CCDC91: variants seen among roughly 807,000 people sequenced by gnomAD.
CCDC91 encodes the protein coiled-coil domain-containing protein 91.
CCDC91 carries 48 observed loss-of-function variants against 63.2 expected under a neutral mutation model. The ratio of observed to expected loss-of-function variants is 0.76; its 90% CI spans 0.60 to 0.97. CCDC91 has a LOEUF of 0.97. Ranked by LOEUF, CCDC91 falls within the 50% of genes least tolerant of loss-of-function variation. The pLI is 0.00. For synonymous variants in CCDC91, 167 were observed against 165.8 expected, an observed-to-expected ratio of 1.01 and a Z score of -0.06; for missense variants, 500 against 494.6, an observed-to-expected ratio of 1.01 and a Z score of -0.10.
At chr12:28,269,542 C>T (rs1439662098) in intron 3 of CCDC91, among the ~76,000 whole-genome samples, 1 of 152,004 alleles carries the variant, frequency 6.6e-6, no homozygotes, top group African/African-American at 2.4e-5. Context: ...AGTGTCTGCT[C>T]CCCCCAACCA....
chr12:28,286,391 A>T (rs551227201), intron 3 of CCDC91, among the ~76,000 whole-genome samples: 1 of 152,016 alleles, frequency 6.6e-6, no homozygotes, highest in Non-Finnish European at 1.5e-5. Context: ...GGTAGGCCCC[A>T]GTGTCTGTTG....
intron 1 of CCDC91, among the ~76,000 whole-genome samples, chr12:28,223,883 A>G (rs991324511): frequency 2.6e-5 from 4 of 152,178 alleles, no homozygotes; most frequent in Non-Finnish European, 5.9e-5. Flanking sequence ...CTCCTTGGAG[A>G]AAATTATTTC....
intron 8 of CCDC91, among the ~76,000 whole-genome samples, chr12:28,397,946 C>A (rs369177434): frequency 6.6e-5 from 10 of 152,180 alleles, no homozygotes; most frequent in South Asian, 2.1e-4. Flanking sequence ...CCTGTTTATT[C>A]CCTTAGAGTT....
chr12:28,206,590 A>G (rs549282696), intron 1 of CCDC91, among the ~76,000 whole-genome samples: 17 of 152,330 alleles, frequency 1.1e-4, no homozygotes, highest in South Asian at 2.1e-4. Flanking sequence ...AGAATGAGCT[A>G]GATAAAGAGT....
At chr12:28,535,066 GA>G (rs1942041637) in intron 12 of CCDC91, among the ~76,000 whole-genome samples, 1 of 152,120 alleles carries the variant, frequency 6.6e-6, no homozygotes, top group Non-Finnish European at 1.5e-5. Context: ...GATTTTTATA[GA>G]AAAGTAGGTA....
chr12:28,325,285 TAGG>T (rs1409608621), intron 6 of CCDC91, among the ~76,000 whole-genome samples: 1 of 152,086 alleles, frequency 6.6e-6, no homozygotes, highest in Non-Finnish European at 1.5e-5. Flanking sequence ...GTTGCTCTGT[TAGG>T]AGGTCTGAAT....
At chr12:28,448,448 C>T (rs1433813164) in intron 8 of CCDC91, among the ~76,000 whole-genome samples, 1 of 152,118 alleles carries the variant, frequency 6.6e-6, no homozygotes, top group African/African-American at 2.4e-5. Flanking sequence ...TTTGTTCTTA[C>T]ACAAACAAGC....
chr12:28,510,862 A>G (rs1939296822), intron 12 of CCDC91, among the ~76,000 whole-genome samples: 1 of 151,850 alleles, frequency 6.6e-6, no homozygotes, highest in South Asian at 2.1e-4. Flanking sequence ...TGGGCTGGGA[A>G]GAAAGTCTTA....
At chr12:28,211,004 A>G (rs746596282) in intron 1 of CCDC91, among the ~76,000 whole-genome samples, 1 of 139,292 alleles carries the variant, frequency 7.2e-6, no homozygotes, top group African/African-American at 2.6e-5. Context: ...TTGCTGGGCC[A>G]TCTTGAACAG....
In CCDC91 at chr12:28,232,348, A is replaced by G. The variant is rs114491422; in HGVS notation, c.-14-24854A>G. Among the ~76,000 whole-genome samples, 371 of 151,956 alleles carry G rather than the reference A, an allele frequency of 2.4e-3. 2 individuals carry two copies. The highest frequency in any genetic ancestry group is 7.6e-3 in the African/African-American group (313 of 41,432). ...TAAAAATTTTTTTTTTCACTTTTCTAATTACTTGTCTGAATTGCACAGGGT... is the reference window on the plus strand; with the variant it reads ...TAAAAATTTTTTTTTTCACTTTTCTGATTACTTGTCTGAATTGCACAGGGT... On this transcript the variant is annotated intron_variant, in intron 1 of 12. Transcript: ENST00000536442.
intron 6 of CCDC91, among the ~76,000 whole-genome samples, chr12:28,357,731 T>C (rs573273129): frequency 2.6e-5 from 4 of 152,238 alleles, no homozygotes; most frequent in African/African-American, 4.8e-5. Flanking sequence ...TTTTGACTTA[T>C]CTGGGCCTCA....
chr12:28,377,085 T>C (rs1179770227), intron 7 of CCDC91, among the ~76,000 whole-genome samples: 1 of 151,656 alleles, frequency 6.6e-6, no homozygotes, highest in African/African-American at 2.4e-5. Context: ...GAATCTCTTT[T>C]AAGGCAATGA....
At chr12:28,335,946 T>C (rs1442751239) in intron 6 of CCDC91, among the ~76,000 whole-genome samples, 1 of 151,840 alleles carries the variant, frequency 6.6e-6, no homozygotes, top group East Asian at 1.9e-4. Flanking sequence ...GACTGTTTTT[T>C]TTTTTTAAAA....
intron 12 of CCDC91, among the ~76,000 whole-genome samples, chr12:28,520,897 T>C (rs1293123431): frequency 3.9e-5 from 6 of 152,144 alleles, no homozygotes; most frequent in Non-Finnish European, 7.4e-5. Context: ...TGTGGTATTA[T>C]TTCTGAGTGC....
Position 28,401,556 on chromosome 12 carries a change from A to G in CCDC91, c.762+10145A>G, listed in dbSNP as rs1377038504. On this transcript the variant is annotated intron_variant, in intron 8 of 12. Transcript: ENST00000536442. ...TGCTTCACAGGGCAACAGGAAAGAG[A>G]ATAAGTGCTGAGGGAAGAGGGAAGC... 2.6e-5 allele frequency among the ~76,000 whole-genome samples: 4 copies of G among 152,118 alleles called. No individual in the cohort carries two copies. In the East Asian group the frequency reaches 5.8e-4, roughly 22 times the overall value.
At chr12:28,281,006 T>C (rs1948579155) in intron 3 of CCDC91, among the ~76,000 whole-genome samples, 1 of 152,058 alleles carries the variant, frequency 6.6e-6, no homozygotes, top group African/African-American at 2.4e-5. Flanking sequence ...AGATATCCTA[T>C]GCAATATGGC....
In CCDC91 at chr12:28,269,177, A is replaced by G. The variant is rs138091956; in HGVS notation, c.109+9735A>G. 7.0e-3 allele frequency among the ~76,000 whole-genome samples: 1,059 copies of G among 151,952 alleles called. 4 individuals carry two copies. Among genetic ancestry groups the G allele is most frequent in the Non-Finnish European group, 0.012 (790 of 67,934 alleles). Reference sequence around the variant, plus strand: ...TTGTATTTACTCAGGTTGAGTTTTCATGTATTTCCTCCCTCTTTTTAAAGG... The same window carrying G: ...TTGTATTTACTCAGGTTGAGTTTTCGTGTATTTCCTCCCTCTTTTTAAAGG... On this transcript the variant is annotated intron_variant, in intron 3 of 12. Transcript: ENST00000536442.
At chr12:28,388,910 G>C (rs1390307710) in intron 7 of CCDC91, among the ~76,000 whole-genome samples, 6 of 152,170 alleles carry the variant, frequency 3.9e-5, no homozygotes, top group South Asian at 4.1e-4. Context: ...AATTCTGAAA[G>C]ATAACATTGA....
At chr12:28,269,722 T>G (rs1349356158) in intron 3 of CCDC91, among the ~76,000 whole-genome samples, 1 of 152,190 alleles carries the variant, frequency 6.6e-6, no homozygotes, top group East Asian at 1.9e-4. Flanking sequence ...AAACATGATT[T>G]GATTATAATT....
Sources: allele counts gnomAD v4.1 joint callset (sites outside exome capture counted in the v4.1 genomes callset), GRCh38; gene constraint gnomAD v4.1.1; transcripts MANE v1.5; gene names NCBI Gene and HGNC (gene_info 2026-07-23, HGNC 2026-07-21).